Variants in TRIM11 observed in about 807,000 individuals in gnomAD.
TRIM11 encodes E3 ubiquitin-protein ligase TRIM11.
TRIM11 carries 15 observed loss-of-function variants against 33.4 expected under a neutral mutation model. The ratio of observed to expected loss-of-function variants is 0.45; its 90% CI spans 0.30 to 0.69. The LOEUF (loss-of-function observed/expected upper bound fraction) is 0.69, where lower values mean the gene tolerates loss of function less well. TRIM11 is among the 30% of genes least tolerant of loss of function. The pLI is 0.08. For synonymous variants in TRIM11, 281 were observed against 302.6 expected, an observed-to-expected ratio of 0.93 and a Z score of 0.74; for missense variants, 499 against 667.6, an observed-to-expected ratio of 0.75 and a Z score of 2.78.
At chr1:228,405,340 C>G (rs1425479532) in intron 1 of TRIM11, 1 of 152,302 alleles carries the variant, frequency 6.6e-6, no homozygotes, top group Non-Finnish European at 1.5e-5. Context: ...AACTGCTCAT[C>G]TGGCACACAC....
intron 1 of TRIM11, 88 bp from the exon 2 acceptor site, chr1:228,402,249 A>C: frequency 2.1e-6 from 2 of 938,542 alleles, no homozygotes; most frequent in Non-Finnish European, 3.2e-6. Context: ...CCCCTCCTCA[A>C]AGACAATGGG....
rs964628612 is a variant in TRIM11, at chr1:228,400,032, C to T, written c.735+932G>A. On this transcript the variant is annotated intron_variant, in intron 3 of 5. Transcript: ENST00000284551. This position sits in a 1 kb window ranked among gnomAD's most constrained non-coding sequence, Gnocchi z 4.5. Reference sequence around the variant, plus strand: ...AGGTCACCCCCTGTGCAAAGCCGCCCAGCCACATCTGCAGCATTGTGGGCT... The same window carrying T: ...AGGTCACCCCCTGTGCAAAGCCGCCTAGCCACATCTGCAGCATTGTGGGCT... Among the ~76,000 whole-genome samples, 2 of 152,222 alleles carry T rather than the reference C, an allele frequency of 1.3e-5. No individual in the cohort carries two copies. Among genetic ancestry groups the T allele is most frequent in the African/African-American group, 2.4e-5 (1 of 41,464 alleles).
chr1:228,400,872 GC>G lies in TRIM11; in HGVS notation c.735+91del. 1 of 1,429,488 alleles carries G rather than the reference GC, an allele frequency of 7.0e-7. No homozygotes were observed. Among genetic ancestry groups the G allele is most frequent in the Admixed American group, 2.8e-5 (1 of 35,200 alleles). The allele number at this position is 1,429,488 out of a possible 1,614,324, so 88.6% of individuals were successfully genotyped here. ...ACCTCTCAGCCCAGACAACCTCTCT[GC>G]CCCTGCTTCTTGCACTTTCTGGTTC... is the stretch of plus-strand genomic sequence containing the variant. On this transcript the variant is annotated intron_variant, in intron 3 of 5. Coordinates refer to ENST00000284551, the MANE Select transcript of TRIM11 (RefSeq NM_145214.3). This position sits in a 1 kb window ranked among gnomAD's most constrained non-coding sequence, Gnocchi z 4.5.
In TRIM11 at chr1:228,401,596, C is replaced by T. The variant is rs1656228981; in HGVS notation, c.505-402G>A. ...ACCTGGGGCCAGCTGGACTACAAATCTACCACCCAGGGTCCCTCCTGACCT... is the reference window on the plus strand; with the variant it reads ...ACCTGGGGCCAGCTGGACTACAAATTTACCACCCAGGGTCCCTCCTGACCT... On this transcript the variant is annotated intron_variant, in intron 2 of 5. Coordinates refer to ENST00000284551, the MANE Select transcript of TRIM11 (RefSeq NM_145214.3). This position sits in a 1 kb window ranked among gnomAD's most constrained non-coding sequence, Gnocchi z 6.1. Among the ~76,000 whole-genome samples, 1 of 152,044 alleles carries T rather than the reference C, an allele frequency of 6.6e-6. No individual in the cohort carries two copies. Among genetic ancestry groups the T allele is most frequent in the South Asian group, 2.1e-4 (1 of 4,824 alleles).
At chr1:228,405,938 T>C in intron 1 of TRIM11, 1 of 437,788 alleles carries the variant, frequency 2.3e-6, no homozygotes, top group Non-Finnish European at 3.7e-6. Flanking sequence ...GGTCCCAGCC[T>C]CAAGGGGCCT....
rs373830234 is a variant in TRIM11 at position 228,402,312 on chromosome 1, C to T, written c.409-151G>A. The T allele has an allele frequency of 9.1e-4, 517 of 566,688 alleles. 2 individuals carry two copies. Among genetic ancestry groups the T allele is most frequent in the East Asian group, 7.1e-3 (221 of 31,180 alleles). The allele number at this position is 566,688 out of a possible 1,614,324, so 35.1% of individuals were successfully genotyped here. On this transcript the variant is annotated intron_variant, in intron 1 of 5. Transcript: ENST00000284551. ...AGGGAACTCAATGCCCTCCAATAAGCGTGAGCCCTCATGGTAGGTGGGCAG... is the reference window on the plus strand; with the variant it reads ...AGGGAACTCAATGCCCTCCAATAAGTGTGAGCCCTCATGGTAGGTGGGCAG...
intron 3 of TRIM11, among the ~76,000 whole-genome samples, chr1:228,398,258 T>A (rs1264155319): frequency 1.3e-5 from 2 of 152,190 alleles, no homozygotes; most frequent in Non-Finnish European, 2.9e-5. Context: ...AGGGTTTCCC[T>A]ACATGTAGGA....
chr1:228,406,801 G>A lies in TRIM11; in HGVS notation c.-240C>T, dbSNP rs1656439495. On this transcript the variant is annotated 5_prime_UTR_variant, in exon 1 of 6. Coordinates refer to ENST00000284551, the MANE Select transcript of TRIM11 (RefSeq NM_145214.3). This position sits in a 1 kb window ranked among gnomAD's most constrained non-coding sequence, Gnocchi z 8.2. ...AGCGCTCGGGGGACGCGGGACGTAG[G>A]GATCCCGGATGCCGGCAGGAAGAGG... 5.6e-6 allele frequency: 2 copies of A among 353,990 alleles called. No individual in the cohort carries two copies. Among genetic ancestry groups the A allele is most frequent in the East Asian group, 8.3e-5 (2 of 24,230 alleles). The allele number at this position is 353,990 out of a possible 1,614,324, so 21.9% of individuals were successfully genotyped here.
In TRIM11 at chr1:228,394,735, A is replaced by C. The variant is rs201535262; in HGVS notation, c.1377T>G (p.Gly459=). The part of the protein sequence containing the change: ...PTPMTICRPK[G]GSGDTLAPQ ...GGGGAGCCAGGGTGTCCCCGGACCC[A>C]CCTTTCGGCCGGCAGATAGTCATCG... The change falls in exon 6 of 6, where the codon GGT becomes GGG. Residue 459 remains glycine (G), a synonymous_variant. Transcript: ENST00000284551. This position sits in a 1 kb window ranked among gnomAD's most constrained non-coding sequence, Gnocchi z 6.2. 1 of 1,609,442 alleles carries C rather than the reference A, an allele frequency of 6.2e-7. No individual in the cohort carries two copies. The highest frequency in any genetic ancestry group is 8.5e-7 in the Non-Finnish European group (1 of 1,176,808).
rs1656440761 is a variant in TRIM11 at position 228,406,818 on chromosome 1, A to G, written c.-257T>C. ...GGACGTAGGGATCCCGGATGCCGGCAGGAAGAGGAGCCGAGGCGGAAGCAG... is the reference window on the plus strand; with the variant it reads ...GGACGTAGGGATCCCGGATGCCGGCGGGAAGAGGAGCCGAGGCGGAAGCAG... On this transcript the variant is annotated 5_prime_UTR_variant, in exon 1 of 6. Transcript: ENST00000284551. This position sits in a 1 kb window ranked among gnomAD's most constrained non-coding sequence, Gnocchi z 8.2. 6.4e-6 allele frequency: 1 copy of G among 156,404 alleles called. No homozygotes were observed. Among genetic ancestry groups the G allele is most frequent in the Non-Finnish European group, 1.2e-5 (1 of 83,104 alleles). 9.7% of individuals were successfully genotyped at this position (156,404 alleles called of 1,614,324 possible).
At position 228,395,260 on chromosome 1, in the gene TRIM11, G is replaced by A. The variant is rs2074974014; in HGVS notation, c.860-8C>T. The stretch of plus-strand genomic sequence containing the variant: ...GGTCCAAGGTCACGTCCCCTGCAGA[G>A]AGAGGCCCAAGGTCACCCAGGCACA... On this transcript the variant is annotated splice_polypyrimidine_tract_variant and splice_region_variant and intron_variant, in intron 5 of 5. Coordinates refer to ENST00000284551, the MANE Select transcript of TRIM11 (RefSeq NM_145214.3). This position sits in a 1 kb window ranked among gnomAD's most constrained non-coding sequence, Gnocchi z 4.8. 1.4e-6 allele frequency: 2 copies of A among 1,448,090 alleles called. No individual in the cohort carries two copies. Among genetic ancestry groups the A allele is most frequent in the Non-Finnish European group, 1.8e-6 (2 of 1,104,886 alleles). 89.7% of individuals were successfully genotyped at this position (1,448,090 alleles called of 1,614,324 possible).
chr1:228,403,853 C>T lies in TRIM11; in HGVS notation c.409-1692G>A, dbSNP rs1656312699. The T allele has an allele frequency of 2.6e-5, 4 of 152,218 alleles. No individual in the cohort carries two copies. Among genetic ancestry groups the T allele is most frequent in the African/African-American group, 7.2e-5 (3 of 41,448 alleles). The allele number at this position is 152,218 out of a possible 1,614,324, so 9.4% of individuals were successfully genotyped here. On this transcript the variant is annotated intron_variant, in intron 1 of 5. Transcript: ENST00000284551. The surrounding 1 kb of genome is among the most constrained non-coding windows in gnomAD (Gnocchi z 4.8). The stretch of plus-strand genomic sequence containing the variant: ...TATTTTTTGTACAGATGGGATTTCA[C>T]CATGTTGGCCAGGGTGGTCTCAAAC...
At chr1:228,398,348 A>C (rs548948200) in intron 3 of TRIM11, among the ~76,000 whole-genome samples, 2 of 152,264 alleles carry the variant, frequency 1.3e-5, no homozygotes, top group East Asian at 1.9e-4. Flanking sequence ...AGGCCCCAAA[A>C]ATTTTTTAAA....
intron 1 of TRIM11, chr1:228,405,586 TG>T (rs770865186): frequency 4.6e-5 from 7 of 152,280 alleles, no homozygotes; most frequent in Non-Finnish European, 1.0e-4. Flanking sequence ...GCATCTCAGA[TG>T]GCAGAGATGG....
chr1:228,400,854 A>G lies in TRIM11; in HGVS notation c.735+110T>C. ...CATCCAGCCATGCCATTCACCTCTC[A>G]GCCCAGACAACCTCTCTGCCCCTGC... On this transcript the variant is annotated intron_variant, in intron 3 of 5. Transcript: ENST00000284551. The surrounding 1 kb of genome is among the most constrained non-coding windows in gnomAD (Gnocchi z 4.5). The G allele has an allele frequency of 7.0e-7, 1 of 1,424,312 alleles. No homozygotes were observed. The highest frequency in any genetic ancestry group is 9.2e-7 in the Non-Finnish European group (1 of 1,092,630). 88.2% of individuals were successfully genotyped at this position (1,424,312 alleles called of 1,614,324 possible). A position where few individuals can be genotyped will look rare whatever the true frequency, so the allele number is the denominator to read the frequency against.
In TRIM11 at chr1:228,400,964, C is replaced by T; in HGVS notation, c.735G>A (p.Gln245=). Residue 245 remains glutamine, a splice_region_variant and synonymous_variant, in exon 3 of 6, where the codon CAG becomes CAA. Coordinates refer to ENST00000284551, the MANE Select transcript of TRIM11 (RefSeq NM_145214.3). This position sits in a 1 kb window ranked among gnomAD's most constrained non-coding sequence, Gnocchi z 4.5. ...RCQLPALGLL[Q]DIKDALRRVQ... ...CATGGCTGCTCCCCGCCCAGCTCAC[C>T]TGCAGCAGCCCCAGAGCAGGCAGCT... 6.4e-7 allele frequency: 1 copy of T among 1,565,122 alleles called. No homozygotes were observed. The highest frequency in any genetic ancestry group is 2.3e-5 in the East Asian group (1 of 43,580).
At chr1:228,405,235 G>A (rs952667482) in intron 1 of TRIM11, 1 of 152,232 alleles carries the variant, frequency 6.6e-6, no homozygotes, top group African/African-American at 2.4e-5. Flanking sequence ...AAAATCCAAA[G>A]CAGAAGGGGA....
rs140133660 is a variant in TRIM11 at position 228,400,184 on chromosome 1, A to G, written c.735+780T>C. On this transcript the variant is annotated intron_variant, in intron 3 of 5. Coordinates refer to ENST00000284551, the MANE Select transcript of TRIM11 (RefSeq NM_145214.3). The surrounding 1 kb of genome is among the most constrained non-coding windows in gnomAD (Gnocchi z 4.5). ...CTGAATCTTGGGGCCCCTTGAGTCT[A>G]CACCATGCTGGGCATGGAACACGTT... Among the ~76,000 whole-genome samples the G allele has an allele frequency of 4.8e-3, 724 of 152,354 alleles. 5 individuals carry two copies. The highest frequency in any genetic ancestry group is 0.017 in the African/African-American group (690 of 41,590).
intron 3 of TRIM11, 141 bp from the exon 4 acceptor site, chr1:228,397,306 A>G (rs749584461): frequency 7.8e-5 from 71 of 913,374 alleles, no homozygotes; most frequent in Non-Finnish European, 9.5e-5. Flanking sequence ...ACAGGGGGCC[A>G]TAAACCACCC....
Sources: allele counts gnomAD v4.1 joint callset (sites outside exome capture counted in the v4.1 genomes callset), GRCh38; gene constraint gnomAD v4.1.1; non-coding constraint Gnocchi (gnomAD v3.1); transcripts MANE v1.5; gene names NCBI Gene and HGNC (gene_info 2026-07-23, HGNC 2026-07-21).